TNFRSF11B: variants seen among roughly 807,000 people sequenced by gnomAD.
The protein encoded by TNFRSF11B is TNF receptor superfamily member 11b, also known as tumor necrosis factor receptor superfamily member 11B.
TNFRSF11B carries 16 observed loss-of-function variants against 43.4 expected under a neutral mutation model. The observed-to-expected ratio is 0.37, with a 90% CI of 0.25 to 0.56. The LOEUF (loss-of-function observed/expected upper bound fraction) is 0.56, where lower values mean the gene tolerates loss of function less well. TNFRSF11B is among the 20% of genes least tolerant of loss of function. TNFRSF11B has a pLI of 0.80. For synonymous variants in TNFRSF11B, 185 were observed against 181.8 expected (o/e 1.02, Z -0.14); for missense variants, 444 against 490.1 (o/e 0.91, Z 0.89).
chr8:118,950,425 TC>T (rs1812625091), intron 1 of TNFRSF11B, among the ~76,000 whole-genome samples: 1 of 152,168 alleles, frequency 6.6e-6, no homozygotes, highest in Admixed American at 6.5e-5. Flanking sequence ...TTGAATAAGT[TC>T]CATTTATAGG....
Position 118,933,645 on chromosome 8 carries a change from T to C in TNFRSF11B, c.31-345A>G, listed in dbSNP as rs1052635227. Among the ~76,000 whole-genome samples, 3 of 152,122 alleles carry C rather than the reference T, an allele frequency of 2.0e-5. No individual in the cohort carries two copies. The East Asian group carries it at 5.8e-4, about 29-fold the overall frequency. ...GCAGGATTATCTCTAGGTGAGTGAGTTGGATTAACTGGTAATTCTCAGAAC... is the reference window on the plus strand; with the variant it reads ...GCAGGATTATCTCTAGGTGAGTGAGCTGGATTAACTGGTAATTCTCAGAAC... On this transcript the variant is annotated intron_variant, in intron 1 of 4. Coordinates refer to ENST00000297350, the MANE Select transcript of TNFRSF11B (RefSeq NM_002546.4).
intron 4 of TNFRSF11B, 67 bp downstream of exon 4, chr8:118,926,427 G>C (rs576359830): frequency 7.2e-7 from 1 of 1,386,648 alleles, no homozygotes; most frequent in South Asian, 1.2e-5. Flanking sequence ...ATGCAGTCTT[G>C]TTCCTGGTTT....
chr8:118,929,997 A>G (rs982899065), intron 2 of TNFRSF11B, among the ~76,000 whole-genome samples: 2 of 152,196 alleles, frequency 1.3e-5, no homozygotes, highest in African/African-American at 2.4e-5. Context: ...GGCAAAATGG[A>G]CTGGTTCTAG....
At chr8:118,929,215 C>G in intron 2 of TNFRSF11B, 1 of 465,022 alleles carries the variant, frequency 2.2e-6, no homozygotes. Flanking sequence ...GTAGGGTGTT[C>G]ATTAGTCCAG....
rs1310754501 is a variant in TNFRSF11B, at chr8:118,951,800, C to T, written c.22G>A (p.Ala8Thr). 1.9e-6 allele frequency: 3 copies of T among 1,593,128 alleles called. No individual in the cohort carries two copies. Among genetic ancestry groups the T allele is most frequent in the African/African-American group, 2.7e-5 (2 of 74,380 alleles). The change falls in exon 1 of 5, where the codon GCG becomes ACG. Residue 8 changes from alanine to threonine, a missense_variant. By Grantham distance (58) the Ala-to-Thr change is moderately conservative. Coordinates refer to ENST00000297350, the MANE Select transcript of TNFRSF11B (RefSeq NM_002546.4). ...CTGGCCCAGGGACTTACCACGAGCG[C>T]GCAGCACAGCAAGTTGTTCATTGTG... is the stretch of plus-strand genomic sequence containing the variant. MNNLLCCALVFLDISIKW... is the reference protein window; with the variant it reads MNNLLCCTLVFLDISIKW...
intron 3 of TNFRSF11B, among the ~76,000 whole-genome samples, chr8:118,928,459 C>G (rs1334165567): frequency 1.3e-5 from 2 of 152,192 alleles, no homozygotes; most frequent in Non-Finnish European, 1.5e-5. Context: ...ATCTCAGTGG[C>G]AAACTTGACA....
intron 1 of TNFRSF11B, among the ~76,000 whole-genome samples, chr8:118,950,934 A>G (rs1432056658): frequency 6.6e-6 from 1 of 152,226 alleles, no homozygotes; most frequent in Non-Finnish European, 1.5e-5. Context: ...CTAGCCTTGC[A>G]TAAATGTCTG....
At chr8:118,951,424 T>C (rs1010354908) in intron 1 of TNFRSF11B, among the ~76,000 whole-genome samples, 11 of 152,172 alleles carry the variant, frequency 7.2e-5, no homozygotes, top group African/African-American at 2.4e-4. Flanking sequence ...ATAATAAAAG[T>C]TCAAGTTCAT....
Position 118,926,569 on chromosome 8 carries a change from C to T in TNFRSF11B, c.742G>A (p.Glu248Lys). 1 of 1,614,072 alleles carries T rather than the reference C, an allele frequency of 6.2e-7. No individual in the cohort carries two copies. Among genetic ancestry groups the T allele is most frequent in the Non-Finnish European group, 8.5e-7 (1 of 1,179,990 alleles). ...AACTTCAGCAGCTGGAAAGTCTGTT[C>T]TTGTGAGCTGTGTTGCCGTTTTATC... ...ERIKRQHSSQ[E>K]QTFQLLKLWK... is the part of the protein sequence containing the mutation. The change falls in exon 4 of 5, where the codon GAA (glutamate) becomes AAA (lysine). Residue 248 changes from glutamate to lysine, a missense_variant. Coordinates refer to ENST00000297350, the MANE Select transcript of TNFRSF11B (RefSeq NM_002546.4).
chr8:118,924,832 C>A (rs748108454), intron 4 of TNFRSF11B, 70 bp from the exon 5 acceptor site: 2 of 1,595,078 alleles, frequency 1.3e-6, no homozygotes, highest in Non-Finnish European at 1.7e-6. Context: ...ATAAAACAAG[C>A]GTGAGGCAAA....
intron 1 of TNFRSF11B, among the ~76,000 whole-genome samples, chr8:118,935,494 A>G (rs1812392057): frequency 6.6e-6 from 1 of 152,190 alleles, no homozygotes; most frequent in African/African-American, 2.4e-5. Flanking sequence ...GATCAAAGTA[A>G]TGCAAGAAAG....
intron 1 of TNFRSF11B, among the ~76,000 whole-genome samples, chr8:118,948,600 T>A (rs1284968869): frequency 1.2e-5 from 1 of 80,292 alleles, no homozygotes; most frequent in Non-Finnish European, 2.1e-5. Flanking sequence ...CAGCTGTAGT[T>A]TCAGCTTAAG....
chr8:118,929,073 C>A (rs913054410), intron 2 of TNFRSF11B, 144 bp from the exon 3 acceptor site: 11 of 761,324 alleles, frequency 1.4e-5, no homozygotes, highest in Admixed American at 2.2e-5. Context: ...TTTCATTTTT[C>A]ACTTCATTAG....
chr8:118,926,216 T>A (rs1812242016), intron 4 of TNFRSF11B, among the ~76,000 whole-genome samples: 1 of 152,184 alleles, frequency 6.6e-6, no homozygotes, highest in African/African-American at 2.4e-5. Context: ...AGCGACTCCC[T>A]GAGATACAGC....
At chr8:118,928,639 T>A in intron 3 of TNFRSF11B, 99 bp downstream of exon 3, 2 of 1,329,452 alleles carry the variant, frequency 1.5e-6, no homozygotes, top group Non-Finnish European at 2.2e-6. Flanking sequence ...AGGGAAAATG[T>A]AAGTTTGACC....
rs1185886488 is a variant in TNFRSF11B at position 118,927,899 on chromosome 8, TA to T, written c.592+838del. Among the ~76,000 whole-genome samples, 4 of 152,280 alleles carry T rather than the reference TA, an allele frequency of 2.6e-5. No individual in the cohort carries two copies. The East Asian group carries it at 7.7e-4, about 29-fold the overall frequency. On this transcript the variant is annotated intron_variant, in intron 3 of 4. Coordinates refer to ENST00000297350, the MANE Select transcript of TNFRSF11B (RefSeq NM_002546.4). ...GGAATGCATTCGAATAACCTGAACT[TA>T]ATACTAGTGACCTGTACCCAATGAA... is the stretch of plus-strand genomic sequence containing the variant.
At chr8:118,946,229 A>G (rs1448772568) in intron 1 of TNFRSF11B, among the ~76,000 whole-genome samples, 1 of 152,144 alleles carries the variant, frequency 6.6e-6, no homozygotes, top group Non-Finnish European at 1.5e-5. Context: ...TTGTAGATGG[A>G]AAGAACCATT....
intron 1 of TNFRSF11B, among the ~76,000 whole-genome samples, chr8:118,950,832 C>T (rs1209633661): frequency 6.6e-6 from 1 of 152,096 alleles, no homozygotes; most frequent in African/African-American, 2.4e-5. Context: ...GACTACCTAG[C>T]CTTCTATTCA....
chr8:118,931,291 GTAAA>G (rs1812325134), intron 2 of TNFRSF11B, among the ~76,000 whole-genome samples: 1 of 152,122 alleles, frequency 6.6e-6, no homozygotes, highest in Non-Finnish European at 1.5e-5. Context: ...GGAGGGAGAG[GTAAA>G]TAAATCCCAC....
Sources: allele counts gnomAD v4.1 joint callset (sites outside exome capture counted in the v4.1 genomes callset), GRCh38; gene constraint gnomAD v4.1.1; transcripts MANE v1.5; gene names NCBI Gene and HGNC (gene_info 2026-07-23, HGNC 2026-07-21).